RYR2: variants seen among roughly 807,000 people sequenced by gnomAD.
The protein encoded by RYR2 is ryanodine receptor 2.
A neutral mutation model predicts 601.1 loss-of-function variants in RYR2; 227 were observed. That is an observed-to-expected ratio of 0.38 (90% CI 0.34 to 0.42). The LOEUF (loss-of-function observed/expected upper bound fraction) is 0.42. Ranked by LOEUF, RYR2 falls within the 10% of genes least tolerant of loss-of-function variation. The pLI is 1.00. For synonymous variants in RYR2, 2,223 were observed against 2,175.1 expected (o/e 1.02, Z -0.61); for missense variants, 4,646 against 6,156.5 (o/e 0.75, Z 8.21).
chr1:237,370,842 A>C (rs1057072625), intron 6 of RYR2, among the ~76,000 whole-genome samples: 6 of 152,014 alleles, frequency 3.9e-5, no homozygotes, highest in South Asian at 2.1e-4. Context: ...TTGTATTTTT[A>C]ATAGAGACAG....
At position 237,602,376 on chromosome 1, in the gene RYR2, C is replaced by T. The variant is rs1412707; in HGVS notation, c.4683+265C>T. Among the ~76,000 whole-genome samples, 60,568 of 151,720 alleles carry T rather than the reference C, an allele frequency of 0.4. 13,337 individuals are homozygous for T. Among genetic ancestry groups the T allele is most frequent in the Admixed American group, 0.51 (7,780 of 15,258 alleles). On this transcript the variant is annotated intron_variant, in intron 35 of 104. Coordinates refer to ENST00000366574, the MANE Select transcript of RYR2 (RefSeq NM_001035.3). ...AATGCCGAGATTACACACATTGCAGCAGTCATTGAACTGATAGGTGAGCTA... is the reference window on the plus strand; with the variant it reads ...AATGCCGAGATTACACACATTGCAGTAGTCATTGAACTGATAGGTGAGCTA...
chr1:237,822,544 AG>A (rs1175533392), intron 101 of RYR2, among the ~76,000 whole-genome samples: 7 of 152,248 alleles, frequency 4.6e-5, no homozygotes, highest in Admixed American at 3.9e-4. Context: ...AAACATGAAA[AG>A]GAACAACCGG....
chr1:237,116,553 A>G (rs187238352), intron 1 of RYR2, among the ~76,000 whole-genome samples: 1 of 131,196 alleles, frequency 7.6e-6, no homozygotes, highest in Admixed American at 7.2e-5. Context: ...ACATATATAC[A>G]TACACATACA....
intron 32 of RYR2, among the ~76,000 whole-genome samples, chr1:237,593,091 T>C (rs1219783049): frequency 6.6e-6 from 1 of 152,120 alleles, no homozygotes; most frequent in African/African-American, 2.4e-5. Flanking sequence ...AGCTTCCCTA[T>C]GCTTAATGGA....
chr1:237,416,936 T>C (rs1388131243), intron 10 of RYR2, 113 bp from the exon 11 acceptor site: 3 of 825,800 alleles, frequency 3.6e-6, no homozygotes, highest in East Asian at 2.6e-5. Context: ...TAACTTTAAC[T>C]GTTTACTCAC....
intron 25 of RYR2, among the ~76,000 whole-genome samples, chr1:237,537,750 A>G (rs1340643792): frequency 1.6e-4 from 25 of 152,248 alleles, no homozygotes; most frequent in Admixed American, 1.3e-3. Flanking sequence ...GCATGTTACC[A>G]AAAAGATGAT....
chr1:237,053,955 GC>G (rs1661612479), intron 1 of RYR2, among the ~76,000 whole-genome samples: 1 of 152,116 alleles, frequency 6.6e-6, no homozygotes. Flanking sequence ...AAGTATATTG[GC>G]CCACATTATT....
chr1:237,475,535 G>C (rs1292824645), intron 17 of RYR2, among the ~76,000 whole-genome samples: 2 of 152,092 alleles, frequency 1.3e-5, no homozygotes, highest in Non-Finnish European at 2.9e-5. Flanking sequence ...AAGTGTGGGT[G>C]GTGGTAGTAA....
chr1:237,535,925 G>T (rs1668567468), intron 25 of RYR2, among the ~76,000 whole-genome samples: 1 of 152,104 alleles, frequency 6.6e-6, no homozygotes, highest in Non-Finnish European at 1.5e-5. Context: ...TACTCTGAGA[G>T]ATTTCTTTAA....
chr1:237,159,351 G>C (rs1264737198), intron 1 of RYR2, among the ~76,000 whole-genome samples: 2 of 152,020 alleles, frequency 1.3e-5, no homozygotes, highest in Non-Finnish European at 2.9e-5. Flanking sequence ...CTAATTAATA[G>C]TTATTTTGGT....
intron 10 of RYR2, among the ~76,000 whole-genome samples, chr1:237,410,613 CAG>C (rs1267547847): frequency 6.6e-6 from 1 of 152,088 alleles, no homozygotes; most frequent in African/African-American, 2.4e-5. Flanking sequence ...ATGATAATAA[CAG>C]AATTAAATAA....
chr1:237,107,083 C>T (rs755377056), intron 1 of RYR2, among the ~76,000 whole-genome samples: 2 of 151,886 alleles, frequency 1.3e-5, no homozygotes, highest in Non-Finnish European at 2.9e-5. Context: ...GGCTGGAGGG[C>T]TAAAGAAGGA....
chr1:237,305,106 G>T (rs1693742395), intron 2 of RYR2, among the ~76,000 whole-genome samples: 1 of 152,140 alleles, frequency 6.6e-6, no homozygotes, highest in Admixed American at 6.5e-5. Flanking sequence ...TAAATTTGAA[G>T]ATACGCGTAT....
At chr1:237,628,283 A>G (rs1247974345) in intron 41 of RYR2, among the ~76,000 whole-genome samples, 3 of 151,872 alleles carry the variant, frequency 2.0e-5, no homozygotes, top group Non-Finnish European at 4.4e-5. Context: ...GGTTAGTTAC[A>G]TATGTATACA....
At chr1:237,618,773 G>A (rs768518583) in intron 38 of RYR2, among the ~76,000 whole-genome samples, 6 of 152,130 alleles carry the variant, frequency 3.9e-5, no homozygotes, top group Non-Finnish European at 7.4e-5. Context: ...GCTGTAACAA[G>A]GTGTCCCAGT....
intron 85 of RYR2, 34 bp downstream of exon 85, chr1:237,770,921 A>G (rs1336447825): frequency 7.6e-7 from 1 of 1,308,242 alleles, no homozygotes; most frequent in South Asian, 1.3e-5. Context: ...GATGATACTA[A>G]GGCATAAATA....
rs1195995473 is a variant in RYR2 at position 237,388,088 on chromosome 1, G to T, written c.678G>T (p.Gly226=). Residue 226 remains glycine (G), a splice_region_variant and synonymous_variant, in exon 10 of 105, where the codon GGG becomes GGT. Coordinates refer to ENST00000366574, the MANE Select transcript of RYR2 (RefSeq NM_001035.3). The stretch of plus-strand genomic sequence containing the variant: ...CTGAATGATTTTTTATCCTTACAGG[G>T]TATCTCATTGGTGGTGATGTCCTCA... ...PISSGSEAAQ[G]YLIGGDVLRL... 1.9e-6 allele frequency: 3 copies of T among 1,613,342 alleles called. No homozygotes were observed. Among genetic ancestry groups the T allele is most frequent in the South Asian group, 2.2e-5 (2 of 90,960 alleles).
intron 1 of RYR2, among the ~76,000 whole-genome samples, chr1:237,070,994 G>A (rs115821546): frequency 0.026 from 3,997 of 152,296 alleles, 170 homozygotes; most frequent in African/African-American, 0.09. Context: ...GTGAGTGGGG[G>A]GCATGTTTCC....
intron 35 of RYR2, among the ~76,000 whole-genome samples, chr1:237,608,948 T>G (rs2779348): frequency 0.89 from 134,553 of 151,870 alleles, 60,185 homozygotes; most frequent in South Asian, 0.96. Context: ...AATGCATCCA[T>G]ACTGGACTGC....
Sources: allele counts gnomAD v4.1 joint callset (sites outside exome capture counted in the v4.1 genomes callset), GRCh38; gene constraint gnomAD v4.1.1; transcripts MANE v1.5; gene names NCBI Gene and HGNC (gene_info 2026-07-23, HGNC 2026-07-21).